Variants in ZBED4 observed in about 807,000 individuals in gnomAD.
ZBED4 encodes the protein zinc finger BED-type containing 4.
ZBED4 carries 4 observed loss-of-function variants against 15.5 expected under a neutral mutation model. The observed-to-expected ratio is 0.26, with a 90% CI of 0.13 to 0.59. The LOEUF (loss-of-function observed/expected upper bound fraction) is 0.59. ZBED4 is among the 20% of genes least tolerant of loss of function. The pLI, the probability that ZBED4 is intolerant of heterozygous loss-of-function variation, is 0.90. For missense variants in ZBED4, 1,323 were observed against 1,461.8 expected (o/e 0.91, Z 1.55); for synonymous variants, 692 against 608.5 (o/e 1.14, Z -2.02).
intron 1 of ZBED4, among the ~76,000 whole-genome samples, chr22:49,864,798 C>A (rs544332324): frequency 1.7e-4 from 22 of 132,256 alleles, no homozygotes; most frequent in Admixed American, 2.6e-4. Context: ...CCAGCCTGAG[C>A]GCCAGAGTGA....
chr22:49,872,707 T>A lies in ZBED4; in HGVS notation c.-329-10627T>A, dbSNP rs187271879. 3.8e-3 allele frequency among the ~76,000 whole-genome samples: 578 copies of A among 151,738 alleles called. 6 individuals carry two copies. Among genetic ancestry groups the A allele is most frequent in the African/African-American group, 0.013 (535 of 41,326 alleles). ...ACCAAGCCTGGCTAATTTTTAAATT[T>A]TTTTTTTTTTTTCCTGAGATGGAGA... On this transcript the variant is annotated intron_variant, in intron 1 of 1. Transcript: ENST00000216268.
chr22:49,867,556 G>T (rs1233940789), intron 1 of ZBED4, among the ~76,000 whole-genome samples: 2 of 152,222 alleles, frequency 1.3e-5, no homozygotes, highest in Non-Finnish European at 2.9e-5. Flanking sequence ...TTTTGCCCCA[G>T]ATCGGACCTT....
At chr22:49,874,439 G>A (rs565751011) in intron 1 of ZBED4, among the ~76,000 whole-genome samples, 27 of 150,726 alleles carry the variant, frequency 1.8e-4, no homozygotes, top group Admixed American at 1.5e-3. Context: ...AGGCTGGAGT[G>A]CAGTGGTGCG....
chr22:49,864,991 G>T (rs926429919), intron 1 of ZBED4, among the ~76,000 whole-genome samples: 6 of 124,510 alleles, frequency 4.8e-5, no homozygotes, highest in Non-Finnish European at 9.3e-5. Context: ...ATTGTGCTGT[G>T]TTTCTCCCCT....
At chr22:49,863,697 G>A (rs1180766180) in intron 1 of ZBED4, among the ~76,000 whole-genome samples, 1 of 151,824 alleles carries the variant, frequency 6.6e-6, no homozygotes, top group African/African-American at 2.4e-5. Context: ...AACTATTAAA[G>A]ATAAACCTCT....
chr22:49,863,920 C>T (rs1381848868), intron 1 of ZBED4, among the ~76,000 whole-genome samples: 1 of 152,170 alleles, frequency 6.6e-6, no homozygotes, highest in Non-Finnish European at 1.5e-5. Flanking sequence ...AGTGAGAGCC[C>T]CTACAAGCTG....
Position 49,883,479 on chromosome 22 carries a change from G to A in ZBED4, c.-184G>A. ...CTCTTGGAAAGCAGTGATCTATGCT[G>A]TAAGACCATGAGTCACAGATTCTTT... is the stretch of plus-strand genomic sequence containing the variant. On this transcript the variant is annotated 5_prime_UTR_variant, in exon 2 of 2. Coordinates refer to ENST00000216268, the MANE Select transcript of ZBED4 (RefSeq NM_014838.3). The A allele has an allele frequency of 1.3e-6, 1 of 798,842 alleles. No homozygotes were observed. Among genetic ancestry groups the A allele is most frequent in the Non-Finnish European group, 1.8e-6 (1 of 542,190 alleles). The allele number at this position is 798,842 out of a possible 1,614,324, so 49.5% of individuals were successfully genotyped here. A position where few individuals can be genotyped will look rare whatever the true frequency, so the allele number is the denominator to read the frequency against.
chr22:49,858,684 T>C, intron 1 of ZBED4, among the ~76,000 whole-genome samples: 1 of 152,200 alleles, frequency 6.6e-6, no homozygotes, highest in East Asian at 1.9e-4. Context: ...GACATTCTAC[T>C]GTCTAATGAC....
chr22:49,870,985 GGCT>G (rs772470415), intron 1 of ZBED4, among the ~76,000 whole-genome samples: 8 of 148,280 alleles, frequency 5.4e-5, no homozygotes, highest in Non-Finnish European at 1.0e-4. Context: ...CTGTTACCCA[GGCT>G]GGAGTGCAGT....
At chr22:49,877,768 G>T (rs1036429877) in intron 1 of ZBED4, among the ~76,000 whole-genome samples, 15 of 152,148 alleles carry the variant, frequency 9.9e-5, no homozygotes, top group Non-Finnish European at 2.2e-4. Context: ...CCTGCAGGTG[G>T]CATGGACACA....
Position 49,874,455 on chromosome 22 carries a change from G to A in ZBED4, c.-329-8879G>A, listed in dbSNP as rs375599559. ...GGCTGGAGTGCAGTGGTGCGATCTC[G>A]GCTCACTGCAACTTCTGCCTCCCAG... On this transcript the variant is annotated intron_variant, in intron 1 of 1. Coordinates refer to ENST00000216268, the MANE Select transcript of ZBED4 (RefSeq NM_014838.3). Among the ~76,000 whole-genome samples the A allele has an allele frequency of 2.4e-4, 36 of 150,246 alleles. No homozygotes were observed. The South Asian group carries it at 3.6e-3, about 15-fold the overall frequency.
rs879010347 is a variant in ZBED4, at chr22:49,888,982, T to C, written c.*1804T>C. On this transcript the variant is annotated 3_prime_UTR_variant, in exon 2 of 2. Coordinates refer to ENST00000216268, the MANE Select transcript of ZBED4 (RefSeq NM_014838.3). ...CTTGCAGTCCTGTGTTTCTTAAGAT[T>C]GTATTTGGAATGGTAATATCCTTAG... The C allele has an allele frequency of 1.8e-5, 3 of 167,288 alleles. No individual in the cohort carries two copies. In the South Asian group the frequency reaches 6.2e-4, roughly 35 times the overall value. 10.4% of individuals were successfully genotyped at this position (167,288 alleles called of 1,614,324 possible).
chr22:49,876,130 C>T (rs2060375250), intron 1 of ZBED4, among the ~76,000 whole-genome samples: 1 of 151,724 alleles, frequency 6.6e-6, no homozygotes, highest in African/African-American at 2.4e-5. Context: ...TTATTCAGTT[C>T]CTTTGTCAGA....
At chr22:49,852,890 C>G (rs557301298), upstream of ZBED4, 1 of 152,320 alleles carries the variant, frequency 6.6e-6, no homozygotes, top group African/African-American at 2.4e-5. Flanking sequence ...GCATTCTTAG[C>G]TCAGGCACCA....
At chr22:49,863,625 CAAA>C (rs59800105) in intron 1 of ZBED4, among the ~76,000 whole-genome samples, 5 of 94,282 alleles carry the variant, frequency 5.3e-5, no homozygotes, top group African/African-American at 6.2e-5. Context: ...GACTCCGTCT[CAAA>C]AAAAAAAAAA....
intron 1 of ZBED4, among the ~76,000 whole-genome samples, chr22:49,871,467 A>T (rs950878386): frequency 1.3e-5 from 2 of 151,984 alleles, no homozygotes; most frequent in Admixed American, 6.5e-5. Flanking sequence ...TGGGCGACAG[A>T]GTGAGACTCT....
At chr22:49,877,820 C>T (rs564098036) in intron 1 of ZBED4, among the ~76,000 whole-genome samples, 1 of 152,288 alleles carries the variant, frequency 6.6e-6, no homozygotes, top group Non-Finnish European at 1.5e-5. Context: ...CGTGGCCCCT[C>T]CTCCCGCCAG....
At chr22:49,863,621 G>A (rs1480232631) in intron 1 of ZBED4, among the ~76,000 whole-genome samples, 3 of 136,102 alleles carry the variant, frequency 2.2e-5, no homozygotes, top group Admixed American at 7.0e-5. Context: ...GCGAGACTCC[G>A]TCTCAAAAAA....
chr22:49,883,167 A>G (rs769624818), intron 1 of ZBED4, among the ~76,000 whole-genome samples, 167 bp from the exon 2 acceptor site: 2 of 151,884 alleles, frequency 1.3e-5, no homozygotes, highest in Non-Finnish European at 2.9e-5. Flanking sequence ...ATTTGGGGGT[A>G]TTGTCATCCT....
Sources: gnomAD v4.1 joint callset for allele counts (sites outside exome capture counted in the v4.1 genomes callset) on GRCh38, gnomAD v4.1.1 for gene constraint, MANE v1.5 for transcripts, NCBI Gene and HGNC (gene_info 2026-07-23, HGNC 2026-07-21) for gene names.